COL5A1: variants seen among roughly 807,000 people sequenced by gnomAD.
COL5A1 encodes collagen alpha-1(V) chain.
COL5A1 carries 16 observed loss-of-function variants against 263.7 expected under a neutral mutation model. The observed-to-expected ratio is 0.06, with a 90% CI of 0.04 to 0.09. The LOEUF is 0.09. COL5A1 is among the 10% of genes least tolerant of loss of function. The pLI is 1.00. For missense variants in COL5A1, 2,036 were observed against 2,540.5 expected (o/e 0.80, Z 4.27); for synonymous variants, 1,012 against 1,004.5 (o/e 1.01, Z -0.14).
chr9:134,804,871 G>C, intron 39 of COL5A1, 104 bp from the exon 40 acceptor site: 3 of 981,132 alleles, frequency 3.1e-6, no homozygotes, highest in East Asian at 2.5e-5. Context: ...GGTCTGCGTT[G>C]CTGGCTCCAA....
In COL5A1 at chr9:134,729,503, CGTGTGTGTGAGA is replaced by C. The variant is rs1306144572; in HGVS notation, c.924+708_925-710del. ...GCAGGCACGGGTGTGCTTGAGCCTG[CGTGTGTGTGAGA>C]GTGTGTGTGAGCGTGTGTGCATGCG... On this transcript the variant is annotated intron_variant, in intron 6 of 65. Coordinates refer to ENST00000371817, the MANE Select transcript of COL5A1 (RefSeq NM_000093.5). Among the ~76,000 whole-genome samples the C allele has an allele frequency of 1.8e-4, 15 of 82,440 alleles. No homozygotes were observed. In the South Asian group the frequency reaches 2.0e-3, roughly 11 times the overall value. The allele number at this position is 82,440 out of a possible 152,430, so 54.1% of individuals were successfully genotyped here. A position where few individuals can be genotyped will look rare whatever the true frequency, so the allele number is the denominator to read the frequency against.
chr9:134,739,091 G>A (rs1353175251), intron 11 of COL5A1, among the ~76,000 whole-genome samples: 1 of 152,224 alleles, frequency 6.6e-6, no homozygotes, highest in Non-Finnish European at 1.5e-5. Flanking sequence ...GCAAACGGCC[G>A]CAGCAGCAGT....
chr9:134,702,148 T>C (rs1221555747), intron 4 of COL5A1, among the ~76,000 whole-genome samples: 1 of 152,154 alleles, frequency 6.6e-6, no homozygotes, highest in East Asian at 1.9e-4. Flanking sequence ...GCAGTGACCG[T>C]TGCCTCCGCG....
At chr9:134,836,153 G>A (rs1387122049) in intron 65 of COL5A1, among the ~76,000 whole-genome samples, 2 of 152,186 alleles carry the variant, frequency 1.3e-5, no homozygotes, top group Non-Finnish European at 2.9e-5. Flanking sequence ...CCGGGTAAAC[G>A]GGAAGCGGTT....
In COL5A1 at chr9:134,652,152, G is replaced by T. The variant is rs528062347; in HGVS notation, c.109+9856G>T. 3.3e-5 allele frequency among the ~76,000 whole-genome samples: 5 copies of T among 152,316 alleles called. No homozygotes were observed. In the East Asian group the frequency reaches 7.7e-4, roughly 23 times the overall value. ...TAGGGAACGATTTCTGACTGCGATTGTAAGAGCTTTCTAGGTAATTATTAT... is the reference window on the plus strand; with the variant it reads ...TAGGGAACGATTTCTGACTGCGATTTTAAGAGCTTTCTAGGTAATTATTAT... On this transcript the variant is annotated intron_variant, in intron 1 of 65. Coordinates refer to ENST00000371817, the MANE Select transcript of COL5A1 (RefSeq NM_000093.5). This position sits in a 1 kb window ranked among gnomAD's most constrained non-coding sequence, Gnocchi z 4.4.
At chr9:134,822,906 G>C (rs745536088) in intron 59 of COL5A1, 92 bp from the exon 60 acceptor site, 2 of 1,438,032 alleles carry the variant, frequency 1.4e-6, no homozygotes, top group Non-Finnish European at 1.9e-6. Flanking sequence ...GGAGAGGGGC[G>C]AGGGGCGAGA....
At chr9:134,645,982 C>T (rs1422253650) in intron 1 of COL5A1, among the ~76,000 whole-genome samples, 1 of 151,548 alleles carries the variant, frequency 6.6e-6, no homozygotes. Context: ...CTCTCTTCCT[C>T]CCTCCCTCTC....
At position 134,642,137 on chromosome 9, in the gene COL5A1, C is replaced by T; in HGVS notation, c.-51C>T. ...GGCCGTGACCCGCGCCCCTGTGCGT[C>T]CCCGCGCGCCTCCGAGCGCCCCTGT... On this transcript the variant is annotated 5_prime_UTR_variant, in exon 1 of 66. Coordinates refer to ENST00000371817, the MANE Select transcript of COL5A1 (RefSeq NM_000093.5). The surrounding 1 kb of genome is among the most constrained non-coding windows in gnomAD (Gnocchi z 4.5). 8.1e-7 allele frequency: 1 copy of T among 1,236,006 alleles called. No individual in the cohort carries two copies. The allele number at this position is 1,236,006 out of a possible 1,614,324, so 76.6% of individuals were successfully genotyped here. A position where few individuals can be genotyped will look rare whatever the true frequency, so the allele number is the denominator to read the frequency against.
intron 25 of COL5A1, among the ~76,000 whole-genome samples, chr9:134,769,741 G>GGT (rs1214439979): frequency 6.6e-6 from 1 of 152,014 alleles, no homozygotes; most frequent in Non-Finnish European, 1.5e-5. Flanking sequence ...GGGGGGCCTG[G>GGT]GTGTGAAGTG....
In COL5A1 at chr9:134,789,202, C is replaced by G; in HGVS notation, c.2694C>G (p.Gly898=). The change falls in exon 32 of 66, where the codon GGC becomes GGG. Residue 898 remains glycine (G), a synonymous_variant. Coordinates refer to ENST00000371817, the MANE Select transcript of COL5A1 (RefSeq NM_000093.5). The surrounding 1 kb of genome is among the most constrained non-coding windows in gnomAD (Gnocchi z 4.8). ...PGFPGANGEK[G]GRGTPGKPGP... is the part of the protein sequence containing the mutation. ...TTCCTGGCGCCAATGGAGAGAAGGG[C>G]GGCAGGGTAAGGATAGCCTGGCCCC... is the stretch of plus-strand genomic sequence containing the variant. The G allele has an allele frequency of 6.2e-7, 1 of 1,612,790 alleles. No individual in the cohort carries two copies. The highest frequency in any genetic ancestry group is 8.5e-7 in the Non-Finnish European group (1 of 1,179,854).
chr9:134,659,923 A>G (rs987925396), intron 1 of COL5A1, among the ~76,000 whole-genome samples: 1 of 152,144 alleles, frequency 6.6e-6, no homozygotes, highest in Admixed American at 6.5e-5. Flanking sequence ...ATCGCCAGGT[A>G]GGTGCTGCCT....
chr9:134,690,526 G>T (rs1033907002), intron 1 of COL5A1, among the ~76,000 whole-genome samples: 1 of 152,222 alleles, frequency 6.6e-6, no homozygotes, highest in Non-Finnish European at 1.5e-5. Flanking sequence ...ATGAGAAGAG[G>T]TGTCTGGGAG....
intron 4 of COL5A1, among the ~76,000 whole-genome samples, chr9:134,710,264 G>A (rs946947412): frequency 1.3e-5 from 2 of 152,246 alleles, no homozygotes; most frequent in Non-Finnish European, 2.9e-5. Context: ...TCTCCTGCCC[G>A]CGCGAGACGG....
intron 64 of COL5A1, among the ~76,000 whole-genome samples, chr9:134,834,267 C>T (rs1478206711): frequency 6.6e-6 from 1 of 152,170 alleles, no homozygotes. Context: ...CAGAGCTCTG[C>T]GTTTCAGGAA....
chr9:134,749,951 G>A (rs1835714048), intron 11 of COL5A1, among the ~76,000 whole-genome samples: 2 of 152,248 alleles, frequency 1.3e-5, no homozygotes, highest in South Asian at 4.1e-4. Context: ...CTGGGCGTGA[G>A]GAGGGCACTG....
chr9:134,724,694 G>A (rs1012151224), intron 4 of COL5A1, among the ~76,000 whole-genome samples: 4 of 152,176 alleles, frequency 2.6e-5, no homozygotes, highest in Non-Finnish European at 4.4e-5. Context: ...AGGGTGACTC[G>A]CCAGGGTCAG....
Position 134,741,169 on chromosome 9 carries a change from G to A in COL5A1, c.1494+2361G>A, listed in dbSNP as rs142285637. On this transcript the variant is annotated intron_variant, in intron 11 of 65. Transcript: ENST00000371817. This position sits in a 1 kb window ranked among gnomAD's most constrained non-coding sequence, Gnocchi z 4.5. ...TGGCTATGGGGTGAGGCCCTGCAGT[G>A]CAGCCTGCGGTGGGCCGGGCTCAGG... is the stretch of plus-strand genomic sequence containing the variant. Among the ~76,000 whole-genome samples, 17 of 152,366 alleles carry A rather than the reference G, an allele frequency of 1.1e-4. No individual in the cohort carries two copies. The highest frequency in any genetic ancestry group is 2.4e-4 in the Non-Finnish European group (16 of 68,036).
At chr9:134,747,791 TC>T (rs1046648997) in intron 11 of COL5A1, among the ~76,000 whole-genome samples, 5 of 117,892 alleles carry the variant, frequency 4.2e-5, no homozygotes, top group Admixed American at 3.5e-4. Context: ...ACACATGCAT[TC>T]ATACACACAT....
rs568945293 is a variant in COL5A1, at chr9:134,753,719, C to T, written c.1720-131C>T. Reference sequence around the variant, plus strand: ...GGTTCTGTTCGAGGCAGACAGGTCGCGCTTTGTGTGCTGAGCACCGTGGCC... The same window carrying T: ...GGTTCTGTTCGAGGCAGACAGGTCGTGCTTTGTGTGCTGAGCACCGTGGCC... On this transcript the variant is annotated intron_variant, in intron 14 of 65. Transcript: ENST00000371817. The T allele has an allele frequency of 1.3e-3, 923 of 711,628 alleles. 3 individuals carry two copies. The highest frequency in any genetic ancestry group is 2.0e-3 in the Non-Finnish European group (767 of 386,208). The allele number at this position is 711,628 out of a possible 1,614,324, so 44.1% of individuals were successfully genotyped here. A position where few individuals can be genotyped will look rare whatever the true frequency, so the allele number is the denominator to read the frequency against.
Sources: gnomAD v4.1 joint callset for allele counts (sites outside exome capture counted in the v4.1 genomes callset) on GRCh38, gnomAD v4.1.1 for gene constraint, Gnocchi (gnomAD v3.1) non-coding constraint, MANE v1.5 for transcripts, NCBI Gene and HGNC (gene_info 2026-07-23, HGNC 2026-07-21) for gene names.